Variants in PDGFC observed in about 807,000 individuals in gnomAD.
The protein encoded by PDGFC is platelet-derived growth factor C.
In PDGFC, 12 loss-of-function variants were observed where a neutral mutation model predicts 35.5. The ratio of observed to expected loss-of-function variants is 0.34; its 90% CI spans 0.22 to 0.55. The LOEUF (loss-of-function observed/expected upper bound fraction) is 0.55. PDGFC is among the 20% of genes least tolerant of loss of function. The pLI is 0.91. For missense variants in PDGFC, 322 were observed against 412.4 expected (o/e 0.78, Z 1.90); for synonymous variants, 159 against 148.8 (o/e 1.07, Z -0.50).
At chr4:156,816,957 A>C (rs6844401) in intron 2 of PDGFC, among the ~76,000 whole-genome samples, 9,613 of 152,216 alleles carry the variant, frequency 0.063, 998 homozygotes, top group African/African-American at 0.22. Context: ...AATATTTATT[A>C]ACAGCCACTC....
At chr4:156,914,236 A>C (rs1227424487) in intron 1 of PDGFC, among the ~76,000 whole-genome samples, 2 of 152,098 alleles carry the variant, frequency 1.3e-5, no homozygotes, top group African/African-American at 4.8e-5. Context: ...GGGCGGGGAG[A>C]TCTCAGAAGC....
intron 1 of PDGFC, among the ~76,000 whole-genome samples, chr4:156,929,186 G>C (rs998791347): frequency 2.6e-5 from 4 of 152,006 alleles, no homozygotes; most frequent in African/African-American, 9.7e-5. Flanking sequence ...ATGGCAACCA[G>C]CAAAAAGATA....
intron 1 of PDGFC, among the ~76,000 whole-genome samples, chr4:156,941,509 C>T (rs1440840127): frequency 6.6e-6 from 1 of 152,142 alleles, no homozygotes; most frequent in Non-Finnish European, 1.5e-5. Flanking sequence ...GGTGGTTTAT[C>T]ATTAGCTTTA....
intron 1 of PDGFC, among the ~76,000 whole-genome samples, chr4:156,871,277 A>G (rs1729976869): frequency 6.6e-6 from 1 of 152,132 alleles, no homozygotes; most frequent in Admixed American, 6.6e-5. Context: ...TAGAGAATTT[A>G]TAGATAAACA....
chr4:156,855,551 A>G (rs961542966), intron 1 of PDGFC, among the ~76,000 whole-genome samples: 3 of 152,180 alleles, frequency 2.0e-5, no homozygotes, highest in African/African-American at 7.2e-5. Context: ...GTCCTGTGAC[A>G]TTTTGGATGT....
chr4:156,860,631 T>C (rs1030851975), intron 1 of PDGFC, among the ~76,000 whole-genome samples: 3 of 152,124 alleles, frequency 2.0e-5, no homozygotes, highest in Admixed American at 2.0e-4. Flanking sequence ...ATAGTAATAA[T>C]ACTAATTATC....
chr4:156,799,564 A>G (rs562566745), intron 3 of PDGFC, among the ~76,000 whole-genome samples: 1 of 152,306 alleles, frequency 6.6e-6, no homozygotes, highest in African/African-American at 2.4e-5. Context: ...AATAGAAGAC[A>G]GCCTATTCAC....
At chr4:156,867,858 A>C (rs1254576404) in intron 1 of PDGFC, among the ~76,000 whole-genome samples, 1 of 152,180 alleles carries the variant, frequency 6.6e-6, no homozygotes, top group Non-Finnish European at 1.5e-5. Context: ...TTAGATTCAA[A>C]TTTAAAAAGA....
chr4:156,923,006 C>T (rs887527491), intron 1 of PDGFC, among the ~76,000 whole-genome samples: 3 of 152,106 alleles, frequency 2.0e-5, no homozygotes, highest in Non-Finnish European at 2.9e-5. Flanking sequence ...TGCTTGCCCA[C>T]GTTATATAGT....
At chr4:156,855,325 G>C (rs1423534431) in intron 1 of PDGFC, among the ~76,000 whole-genome samples, 2 of 152,140 alleles carry the variant, frequency 1.3e-5, no homozygotes, top group African/African-American at 4.8e-5. Flanking sequence ...TAACGAGGAA[G>C]TTTCTGGATA....
intron 1 of PDGFC, among the ~76,000 whole-genome samples, chr4:156,922,156 G>GTT (rs1491564855): frequency 1.3e-3 from 3 of 2,384 alleles, no homozygotes; most frequent in Non-Finnish European, 6.6e-3. Context: ...AGGATTCATA[G>GTT]TGTGTGTGTG....
chr4:156,909,716 C>T (rs1034298332), intron 1 of PDGFC, among the ~76,000 whole-genome samples: 4 of 152,216 alleles, frequency 2.6e-5, no homozygotes, highest in Admixed American at 2.6e-4. Flanking sequence ...TTTACTGTGT[C>T]CTTGACTACT....
At chr4:156,906,083 T>A (rs138089043) in intron 1 of PDGFC, among the ~76,000 whole-genome samples, 1 of 152,164 alleles carries the variant, frequency 6.6e-6, no homozygotes, top group African/African-American at 2.4e-5. Flanking sequence ...ATGTTATAGA[T>A]GACATATAAC....
chr4:156,916,280 GC>G (rs1344391747), intron 1 of PDGFC, among the ~76,000 whole-genome samples: 3 of 152,084 alleles, frequency 2.0e-5, no homozygotes, highest in Non-Finnish European at 4.4e-5. Flanking sequence ...AGCCATCACA[GC>G]CACTGCAAAT....
At chr4:156,967,845 T>A (rs765662314) in intron 1 of PDGFC, 1 of 152,234 alleles carries the variant, frequency 6.6e-6, no homozygotes, top group Non-Finnish European at 1.5e-5. Flanking sequence ...TATCTTTTAA[T>A]CTCTTTCCTC....
intron 2 of PDGFC, among the ~76,000 whole-genome samples, chr4:156,828,027 C>T (rs1357209863): frequency 1.3e-5 from 2 of 152,172 alleles, no homozygotes; most frequent in Non-Finnish European, 2.9e-5. Flanking sequence ...GAGAAGCTCT[C>T]GTCCCATTGA....
chr4:156,945,346 T>C (rs35245113), intron 1 of PDGFC, among the ~76,000 whole-genome samples: 3,205 of 9,602 alleles, frequency 0.33, 136 homozygotes, highest in East Asian at 0.5. Flanking sequence ...TACATACATA[T>C]ATATATATAT....
chr4:156,770,103 T>G (rs1730653361), intron 4 of PDGFC: 1 of 152,056 alleles, frequency 6.6e-6, no homozygotes, highest in African/African-American at 2.4e-5. Flanking sequence ...ATTTCCCAAG[T>G]GAACTTAGTT....
intron 3 of PDGFC, among the ~76,000 whole-genome samples, chr4:156,809,640 T>C (rs1286536175): frequency 1.3e-5 from 2 of 151,996 alleles, no homozygotes; most frequent in African/African-American, 4.8e-5. Context: ...GCTTTTATCA[T>C]TACATATTTG....
Sources: allele counts gnomAD v4.1 joint callset (sites outside exome capture counted in the v4.1 genomes callset), GRCh38; gene constraint gnomAD v4.1.1; transcripts MANE v1.5; gene names NCBI Gene and HGNC (gene_info 2026-07-23, HGNC 2026-07-21).